DLGAP1: variants seen among roughly 807,000 people sequenced by gnomAD.
The protein encoded by DLGAP1 is disks large-associated protein 1.
Under a neutral mutation model 90.8 loss-of-function variants are expected in DLGAP1, and 11 were observed. The observed-to-expected ratio is 0.12, with a 90% confidence interval of 0.08 to 0.20. The LOEUF is 0.20. Ranked by LOEUF, DLGAP1 falls within the 10% of genes least tolerant of loss-of-function variation. DLGAP1 has a pLI of 1.00. For synonymous variants in DLGAP1, 558 were observed against 540.7 expected (o/e 1.03, Z -0.44); for missense variants, 1,050 against 1,333.8 (o/e 0.79, Z 3.31).
chr18:4,131,515 T>C (rs1386750192), intron 2 of DLGAP1, among the ~76,000 whole-genome samples: 1 of 152,090 alleles, frequency 6.6e-6, no homozygotes, highest in Non-Finnish European at 1.5e-5. Context: ...AGACAATACA[T>C]AAGAGAACAG....
chr18:3,896,146 C>A (rs2071617457), intron 3 of DLGAP1: 1 of 152,136 alleles, frequency 6.6e-6, no homozygotes, highest in Admixed American at 6.5e-5. Flanking sequence ...TGGTTTCTTC[C>A]CTTTTCACAG....
At chr18:4,339,053 C>T (rs664209) in intron 1 of DLGAP1, among the ~76,000 whole-genome samples, 27,267 of 151,996 alleles carry the variant, frequency 0.18, 2,704 homozygotes, top group Middle Eastern at 0.26. Flanking sequence ...AGAATATGTA[C>T]GCGGAAGGTT....
intron 1 of DLGAP1, among the ~76,000 whole-genome samples, chr18:4,172,330 C>T (rs2077039230): frequency 6.6e-6 from 1 of 152,220 alleles, no homozygotes; most frequent in South Asian, 2.1e-4. Context: ...TTCAAGATAA[C>T]TACATAAATG....
intron 11 of DLGAP1, among the ~76,000 whole-genome samples, chr18:3,503,621 C>G (rs957051016): frequency 6.6e-5 from 10 of 152,296 alleles, no homozygotes; most frequent in East Asian, 1.9e-4. Context: ...GGCAACTGGA[C>G]AGACTGTGAA....
intron 7 of DLGAP1, among the ~76,000 whole-genome samples, chr18:3,634,733 T>G (rs1238901817): frequency 6.6e-6 from 1 of 152,250 alleles, no homozygotes; most frequent in Non-Finnish European, 1.5e-5. Context: ...AAAGATACCA[T>G]GTTCTTACAT....
intron 1 of DLGAP1, among the ~76,000 whole-genome samples, chr18:4,344,771 G>A (rs1209193077): frequency 6.6e-6 from 1 of 152,172 alleles, no homozygotes; most frequent in Non-Finnish European, 1.5e-5. Context: ...TGTCCTCAGA[G>A]CCCATGTTCT....
chr18:4,265,981 C>T (rs887679026), intron 1 of DLGAP1, among the ~76,000 whole-genome samples: 3 of 151,908 alleles, frequency 2.0e-5, no homozygotes, highest in Non-Finnish European at 4.4e-5. Context: ...ACCCACCATG[C>T]CCAACTATTA....
chr18:3,744,701 G>A (rs1399403173), intron 5 of DLGAP1, among the ~76,000 whole-genome samples: 6 of 151,896 alleles, frequency 4.0e-5, no homozygotes, highest in East Asian at 1.9e-4. Context: ...GCACGCCACC[G>A]CGGCCGGCTA....
At chr18:4,217,867 A>C (rs186813705) in intron 1 of DLGAP1, among the ~76,000 whole-genome samples, 1 of 152,092 alleles carries the variant, frequency 6.6e-6, no homozygotes, top group Non-Finnish European at 1.5e-5. Context: ...CCTCAATAAA[A>C]CCACAGATGT....
intron 3 of DLGAP1, among the ~76,000 whole-genome samples, chr18:3,889,550 C>CCCCA (rs1258987694): frequency 6.6e-6 from 1 of 152,158 alleles, no homozygotes; most frequent in African/African-American, 2.4e-5. Flanking sequence ...AAAGTGCAGA[C>CCCCA]ATTAAGCCCT....
intron 5 of DLGAP1, among the ~76,000 whole-genome samples, chr18:3,758,806 T>G (rs966935206): frequency 6.6e-6 from 1 of 152,180 alleles, no homozygotes; most frequent in African/African-American, 2.4e-5. Flanking sequence ...ATGCCCGACT[T>G]TCTTCCTTTG....
chr18:3,807,507 C>A (rs2066622422), intron 5 of DLGAP1, among the ~76,000 whole-genome samples: 1 of 152,020 alleles, frequency 6.6e-6, no homozygotes, highest in African/African-American at 2.4e-5. Flanking sequence ...TTCTGATGAT[C>A]AAAAGAAAAC....
intron 7 of DLGAP1, among the ~76,000 whole-genome samples, chr18:3,609,950 C>T (rs981721254): frequency 4.6e-5 from 7 of 151,388 alleles, no homozygotes; most frequent in Non-Finnish European, 7.4e-5. Context: ...CCCAGCTACT[C>T]GGGAGGCTGA....
intron 7 of DLGAP1, among the ~76,000 whole-genome samples, chr18:3,611,505 C>T (rs75213084): frequency 0.03 from 4,587 of 152,194 alleles, 114 homozygotes; most frequent in East Asian, 0.069. Context: ...CAGCCTTCAC[C>T]CTCCCCATGA....
intron 2 of DLGAP1, among the ~76,000 whole-genome samples, chr18:4,030,719 G>A (rs892721421): frequency 2.6e-5 from 4 of 152,176 alleles, no homozygotes; most frequent in Non-Finnish European, 5.9e-5. Flanking sequence ...CCAGGAGTTC[G>A]AGACCAGCCT....
At chr18:3,825,379 G>A (rs1041622168) in intron 4 of DLGAP1, among the ~76,000 whole-genome samples, 8 of 152,302 alleles carry the variant, frequency 5.3e-5, no homozygotes, top group African/African-American at 1.4e-4. Context: ...ACCAAAATCC[G>A]TGGATGCTTA....
chr18:4,275,916 C>T (rs1047083730), intron 1 of DLGAP1, among the ~76,000 whole-genome samples: 5 of 151,950 alleles, frequency 3.3e-5, no homozygotes, highest in East Asian at 1.9e-4. Flanking sequence ...AAAGCCTTTG[C>T]TCAAATATCA....
chr18:4,439,033 C>T (rs73370881), intron 1 of DLGAP1, among the ~76,000 whole-genome samples: 2,328 of 152,282 alleles, frequency 0.015, 55 homozygotes, highest in African/African-American at 0.046. Flanking sequence ...CCACTGAATG[C>T]CTCCTTCCTG....
intron 1 of DLGAP1, among the ~76,000 whole-genome samples, chr18:4,380,944 T>C (rs1241403840): frequency 6.6e-6 from 1 of 152,162 alleles, no homozygotes; most frequent in South Asian, 2.1e-4. Flanking sequence ...TTAAAGCAGA[T>C]GTATTACAGT....
Sources: allele counts gnomAD v4.1 joint callset (sites outside exome capture counted in the v4.1 genomes callset), GRCh38; gene constraint gnomAD v4.1.1; transcripts MANE v1.5; gene names NCBI Gene and HGNC (gene_info 2026-07-23, HGNC 2026-07-21).